CTTN: variants seen among roughly 807,000 people sequenced by gnomAD.
CTTN encodes the protein cortactin.
A neutral mutation model predicts 84.0 loss-of-function variants in CTTN; 28 were observed. The ratio of observed to expected loss-of-function variants is 0.33; its 90% CI spans 0.25 to 0.46. CTTN has a LOEUF of 0.46. Among genes scored for constraint, CTTN ranks in the 20% least tolerant of loss-of-function variants. CTTN has a pLI of 1.00. For synonymous variants in CTTN, 301 were observed against 288.8 expected (o/e 1.04, Z -0.43); for missense variants, 641 against 723.8 (o/e 0.89, Z 1.31).
rs2058288050 is a variant in CTTN, at chr11:70,425,225, G to A, written c.958-107G>A. On this transcript the variant is annotated intron_variant, in intron 12 of 17. Transcript: ENST00000301843. Reference sequence around the variant, plus strand: ...AAGAGTGCTCTGGGCTGTGTGGCTGGGCCTTTGGGAAGATCTGGGGAAGGC... The same window carrying A: ...AAGAGTGCTCTGGGCTGTGTGGCTGAGCCTTTGGGAAGATCTGGGGAAGGC... 4.8e-6 allele frequency: 4 copies of A among 827,558 alleles called. No homozygotes were observed. In the East Asian group the frequency reaches 1.1e-4, roughly 22 times the overall value. The allele number at this position is 827,558 out of a possible 1,614,324, so 51.3% of individuals were successfully genotyped here.
Position 70,421,587 on chromosome 11 carries a change from T to C in CTTN, c.901+7T>C. ...AAGCACGAGTCCCAGCAAGGCACAG[T>C]TGCCACCAGCCTCCTACCCTCCCCC... On this transcript the variant is annotated splice_region_variant and intron_variant, in intron 11 of 17. Transcript: ENST00000301843. The C allele has an allele frequency of 6.2e-7, 1 of 1,606,134 alleles. No homozygotes were observed.
chr11:70,428,680 A>T (rs574662829), intron 13 of CTTN, among the ~76,000 whole-genome samples: 6 of 152,360 alleles, frequency 3.9e-5, no homozygotes, highest in South Asian at 2.1e-4. Context: ...TACTATACTC[A>T]GTATACGTCA....
chr11:70,403,909 C>G (rs1443739071), intron 1 of CTTN, among the ~76,000 whole-genome samples: 4 of 152,106 alleles, frequency 2.6e-5, no homozygotes, highest in African/African-American at 9.7e-5. Context: ...GAGACAGGGT[C>G]TCTCTCTGTC....
At chr11:70,430,307 G>A (rs908704763) in intron 14 of CTTN, among the ~76,000 whole-genome samples, 1 of 152,218 alleles carries the variant, frequency 6.6e-6, no homozygotes, top group African/African-American at 2.4e-5. Flanking sequence ...GGAGCCCACA[G>A]GCTGTCAGTG....
intron 14 of CTTN, among the ~76,000 whole-genome samples, chr11:70,429,869 G>T (rs12800449): frequency 0.19 from 28,944 of 152,104 alleles, 3,302 homozygotes; most frequent in Admixed American, 0.25. Flanking sequence ...ATGTGTGTGT[G>T]TGAAGTTACC....
At position 70,433,210 on chromosome 11, in the gene CTTN, A is replaced by G. The variant is rs145693216; in HGVS notation, c.1376A>G (p.Gln459Arg). Residue 459 changes from glutamine to arginine, a missense_variant, in exon 16 of 18, where the codon CAG (glutamine) becomes CGG (arginine). This residue lies in a region of CTTN where 289 missense variants were observed against 273.1 expected (regional missense o/e 1.06). Transcript: ENST00000301843. ...GCTGACTACCGAGAGGCCAGCAGCC[A>G]GCAGGGCCTGGCCTATGCCACAGAG... ...EAADYREASS[Q>R]QGLAYATEAV... 9.9e-6 allele frequency: 16 copies of G among 1,613,340 alleles called. No homozygotes were observed. The East Asian group carries it at 2.9e-4, about 29-fold the overall frequency.
chr11:70,410,209 G>A (rs1419723283), intron 5 of CTTN: 2 of 415,632 alleles, frequency 4.8e-6, no homozygotes, highest in Non-Finnish European at 8.8e-6. Context: ...CAGAGAGGGA[G>A]ATTGGCCCTC....
chr11:70,432,346 C>T (rs889397054), intron 15 of CTTN, among the ~76,000 whole-genome samples: 8 of 152,196 alleles, frequency 5.3e-5, no homozygotes, highest in East Asian at 1.9e-4. Context: ...AGGGTGGAGT[C>T]GCTCTCCCTG....
At chr11:70,419,917 C>A in intron 9 of CTTN, 61 bp downstream of exon 9, 2 of 1,319,262 alleles carry the variant, frequency 1.5e-6, no homozygotes, top group Non-Finnish European at 2.1e-6. Flanking sequence ...GTGGTAGCCA[C>A]ACCGGAAAAG....
chr11:70,419,775 G>A lies in CTTN; in HGVS notation c.598G>A (p.Gly200Ser), dbSNP rs1272165763. ...DYSKGFGGKY[G>S]IDKDKVDKSA... ...CTCCAAAGGTTTCGGCGGCAAATAC[G>A]GTATCGACAAGGACAAAGTGGATAA... The change falls in exon 9 of 18, where the codon GGT (glycine) becomes AGT (serine). Residue 200 changes from glycine (G) to serine (S), a missense_variant. This residue lies in a region of CTTN where 284 missense variants were observed against 348.4 expected (regional missense o/e 0.82). Transcript: ENST00000301843. 3.7e-6 allele frequency: 6 copies of A among 1,611,318 alleles called. No homozygotes were observed. Among genetic ancestry groups the A allele is most frequent in the South Asian group, 1.1e-5 (1 of 90,068 alleles).
In CTTN at chr11:70,410,830, A is replaced by G. The variant is rs932436262; in HGVS notation, c.291+870A>G. ...GTGTCGGATTCCAGCCGGTAATTCC[A>G]TACCCCTCTCCCACCTCATGCACCA... On this transcript the variant is annotated intron_variant, in intron 5 of 17. Transcript: ENST00000301843. Among the ~76,000 whole-genome samples the G allele has an allele frequency of 6.6e-5, 10 of 152,234 alleles. No individual in the cohort carries two copies. The East Asian group carries it at 1.7e-3, about 26-fold the overall frequency.
Position 70,435,293 on chromosome 11 carries a change from G to A in CTTN, c.*131G>A. 3 of 1,374,208 alleles carry A rather than the reference G, an allele frequency of 2.2e-6. No individual in the cohort carries two copies. In the South Asian group the frequency reaches 4.7e-5, roughly 22 times the overall value. 85.1% of individuals were successfully genotyped at this position (1,374,208 alleles called of 1,614,324 possible). A position where few individuals can be genotyped will look rare whatever the true frequency, so the allele number is the denominator to read the frequency against. On this transcript the variant is annotated 3_prime_UTR_variant, in exon 18 of 18. Transcript: ENST00000301843. ...TTTTTTTTTTTGAAGGTGGGGAGGG[G>A]AATATACACATTGCTTTTATATTTA...
At chr11:70,424,186 C>T (rs1400954094) in intron 12 of CTTN, among the ~76,000 whole-genome samples, 1 of 151,988 alleles carries the variant, frequency 6.6e-6, no homozygotes, top group Non-Finnish European at 1.5e-5. Flanking sequence ...GCAGGGGGAC[C>T]CAGTGAGGTA....
rs779795316 is a variant in CTTN, at chr11:70,435,767, G to T, written c.*605G>T. 1.3e-6 allele frequency: 2 copies of T among 1,595,128 alleles called. No individual in the cohort carries two copies. The highest frequency in any genetic ancestry group is 1.7e-6 in the Non-Finnish European group (2 of 1,178,764). ...CAGGTGACTTCTAGCAGAGACCCTG[G>T]TTTTTTTCCTGTGCCCACTCCGGCT... On this transcript the variant is annotated 3_prime_UTR_variant, in exon 18 of 18. Coordinates refer to ENST00000301843, the MANE Select transcript of CTTN (RefSeq NM_005231.4).
At chr11:70,415,790 G>T in intron 7 of CTTN, 73 bp downstream of exon 7, 15 of 1,472,758 alleles carry the variant, frequency 1.0e-5, no homozygotes, top group Non-Finnish European at 1.3e-5. Flanking sequence ...ACCTGAAGCC[G>T]TTTCCCCGCG....
intron 2 of CTTN, among the ~76,000 whole-genome samples, chr11:70,406,585 A>G (rs1228609911): frequency 6.6e-6 from 1 of 151,916 alleles, no homozygotes; most frequent in Non-Finnish European, 1.5e-5. Flanking sequence ...TTGTCTTGTT[A>G]GGGTTTACAG....
chr11:70,426,418 A>AAG (rs2058301390), intron 13 of CTTN, among the ~76,000 whole-genome samples: 1 of 151,798 alleles, frequency 6.6e-6, no homozygotes, highest in African/African-American at 2.4e-5. Flanking sequence ...CTCAAAAAAA[A>AAG]AAAAAAAAGA....
At position 70,430,033 on chromosome 11, in the gene CTTN, C is replaced by T. The variant is rs552251157; in HGVS notation, c.1176+834C>T. ...TTAACCTGTGGATGGCATCAGGTGA[C>T]GTGGGAATTTACAACTGTCCTGTTG... On this transcript the variant is annotated intron_variant, in intron 14 of 17. Transcript: ENST00000301843. Among the ~76,000 whole-genome samples, 13 of 152,270 alleles carry T rather than the reference C, an allele frequency of 8.5e-5. No individual in the cohort carries two copies. In the South Asian group the frequency reaches 2.1e-3, roughly 24 times the overall value.
rs546522542 is a variant in CTTN at position 70,410,182 on chromosome 11, G to T, written c.291+222G>T. 3.4e-4 allele frequency: 162 copies of T among 475,620 alleles called. 1 individual carries two copies. The South Asian group carries it at 4.7e-3, about 14-fold the overall frequency. The allele number at this position is 475,620 out of a possible 1,614,324, so 29.5% of individuals were successfully genotyped here. A position where few individuals can be genotyped will look rare whatever the true frequency, so the allele number is the denominator to read the frequency against. ...AATCCTCAGAGGTGCTGGAGCACGG[G>T]TGTTAGTGGGGAGGCCCAGAGAGGG... On this transcript the variant is annotated intron_variant, in intron 5 of 17. Transcript: ENST00000301843.
Sources: allele counts gnomAD v4.1 joint callset (sites outside exome capture counted in the v4.1 genomes callset), GRCh38; gene constraint gnomAD v4.1.1; regional missense constraint gnomAD v4.1.1; transcripts MANE v1.5; gene names NCBI Gene and HGNC (gene_info 2026-07-23, HGNC 2026-07-21).